Variants in BAIAP2 observed in about 807,000 individuals in gnomAD.
BAIAP2 encodes BAR/IMD domain-containing adapter protein 2.
A neutral mutation model predicts 63.0 loss-of-function variants in BAIAP2; 18 were observed. The ratio of observed to expected loss-of-function variants is 0.29; its 90% CI spans 0.20 to 0.42. The LOEUF (loss-of-function observed/expected upper bound fraction) is 0.42, where lower values mean the gene tolerates loss of function less well. BAIAP2 is among the 10% of genes least tolerant of loss of function. BAIAP2 has a pLI of 1.00. For missense variants in BAIAP2, 610 were observed against 734.3 expected (o/e 0.83, Z 1.96); for synonymous variants, 386 against 307.6 (o/e 1.25, Z -2.67).
At chr17:81,100,851 C>T (rs1048704561) in intron 7 of BAIAP2, among the ~76,000 whole-genome samples, 15 of 152,180 alleles carry the variant, frequency 9.9e-5, no homozygotes, top group African/African-American at 3.6e-4. Context: ...CCTCCCCTGG[C>T]TCCCAGGCTC....
intron 6 of BAIAP2, among the ~76,000 whole-genome samples, chr17:81,099,322 G>A (rs893872139): frequency 6.6e-6 from 1 of 152,164 alleles, no homozygotes; most frequent in Non-Finnish European, 1.5e-5. Flanking sequence ...AGCCGGAGCC[G>A]GGTGGGAGAG....
In BAIAP2 at chr17:81,041,171, G is replaced by C. The variant is rs1186418702; in HGVS notation, c.54+5863G>C. On this transcript the variant is annotated intron_variant, in intron 1 of 13. Coordinates refer to ENST00000428708, the MANE Select transcript of BAIAP2 (RefSeq NM_001144888.2). ...CTTTGGAAAATGCTGCCTGGTCCTTGGGCTTCCTGCCAGGCCTGCCGGGAG... is the reference window on the plus strand; with the variant it reads ...CTTTGGAAAATGCTGCCTGGTCCTTCGGCTTCCTGCCAGGCCTGCCGGGAG... Among the ~76,000 whole-genome samples the C allele has an allele frequency of 2.0e-5, 3 of 152,238 alleles. No homozygotes were observed. In the East Asian group the frequency reaches 5.8e-4, roughly 29 times the overall value.
At chr17:81,076,745 G>A (rs1408749583) in intron 3 of BAIAP2, among the ~76,000 whole-genome samples, 1 of 152,160 alleles carries the variant, frequency 6.6e-6, no homozygotes, top group Non-Finnish European at 1.5e-5. Flanking sequence ...CACTTTGGGA[G>A]TCCACTTGAT....
chr17:81,096,785 C>T (rs560761310), intron 6 of BAIAP2, among the ~76,000 whole-genome samples: 3 of 152,348 alleles, frequency 2.0e-5, no homozygotes, highest in South Asian at 4.1e-4. Flanking sequence ...CCCAGGGTAC[C>T]CCTGAATCTG....
At chr17:81,062,688 CTTTTT>C (rs36092037) in intron 3 of BAIAP2, among the ~76,000 whole-genome samples, 1 of 133,486 alleles carries the variant, frequency 7.5e-6, no homozygotes, top group Non-Finnish European at 1.6e-5. Context: ...TTTTTCTTTC[CTTTTT>C]TTTTTTTTTT....
At chr17:81,047,757 C>T (rs1206073364) in intron 1 of BAIAP2, among the ~76,000 whole-genome samples, 1 of 151,120 alleles carries the variant, frequency 6.6e-6, no homozygotes, top group Non-Finnish European at 1.5e-5. Context: ...AAACATGCAG[C>T]TCATGCCCAC....
At chr17:81,069,705 C>T (rs937754008) in intron 3 of BAIAP2, among the ~76,000 whole-genome samples, 18 of 152,198 alleles carry the variant, frequency 1.2e-4, no homozygotes, top group South Asian at 6.2e-4. Context: ...GACTCTCCCC[C>T]GCCAGGACTG....
intron 1 of BAIAP2, chr17:81,037,088 T>C (rs1290552758): frequency 1.2e-6 from 1 of 804,474 alleles, no homozygotes; most frequent in African/African-American, 1.7e-5. Context: ...CTAAGTGAAA[T>C]CTGCTGGCAG....
chr17:81,106,854 G>A lies in BAIAP2; in HGVS notation c.1447G>A (p.Ala483Thr), dbSNP rs746668540. Residue 483 changes from alanine to threonine, a missense_variant, in exon 12 of 14, where the codon GCC becomes ACC. Transcript: ENST00000428708. ...CTCCCGGGCCTTCCCCGCCCAGACG[G>A]CCAGCGGCTTCAAGCAGAGGCCCTA... ...AASRAFPAQT[A>T]SGFKQRPYSV... The A allele has an allele frequency of 6.2e-7, 1 of 1,607,446 alleles. No individual in the cohort carries two copies. Among genetic ancestry groups the A allele is most frequent in the South Asian group, 1.1e-5 (1 of 90,208 alleles).
intron 12 of BAIAP2, 196 bp downstream of exon 12, chr17:81,107,103 C>A: frequency 1.5e-6 from 1 of 647,266 alleles, no homozygotes; most frequent in Non-Finnish European, 2.5e-6. Flanking sequence ...CGCCTCGCCG[C>A]AGCAGGCTCC....
chr17:81,104,382 G>C (rs181073789), intron 9 of BAIAP2, 132 bp from the exon 10 acceptor site: 7 of 1,020,318 alleles, frequency 6.9e-6, no homozygotes, highest in Non-Finnish European at 1.0e-5. Context: ...CTGCTGCTGC[G>C]GAGAGCTTAG....
intron 1 of BAIAP2, among the ~76,000 whole-genome samples, chr17:81,037,850 G>A (rs756542708): frequency 1.3e-5 from 2 of 152,270 alleles, no homozygotes; most frequent in African/African-American, 2.4e-5. Context: ...TGGCCTTGGT[G>A]ATTAAAAATG....
rs775447003 is a variant in BAIAP2 at position 81,104,497 on chromosome 17, G to C, written c.1067-17G>C. 1 of 1,579,616 alleles carries C rather than the reference G, an allele frequency of 6.3e-7. No homozygotes were observed. Among genetic ancestry groups the C allele is most frequent in the Non-Finnish European group, 8.6e-7 (1 of 1,158,874 alleles). Reference sequence around the variant, plus strand: ...CCAGCCAGGGGCAGTCCCCTTACCTGTCCCTTGTCCCAGCAGCCGAGAACA... The same window carrying C: ...CCAGCCAGGGGCAGTCCCCTTACCTCTCCCTTGTCCCAGCAGCCGAGAACA... On this transcript the variant is annotated splice_polypyrimidine_tract_variant and intron_variant, in intron 9 of 13. Coordinates refer to ENST00000428708, the MANE Select transcript of BAIAP2 (RefSeq NM_001144888.2).
At chr17:81,088,947 A>G (rs1196029789) in intron 6 of BAIAP2, among the ~76,000 whole-genome samples, 1 of 152,218 alleles carries the variant, frequency 6.6e-6, no homozygotes, top group Non-Finnish European at 1.5e-5. Context: ...GCCCCCACGC[A>G]GTCACTGTGG....
Position 81,035,308 on chromosome 17 carries a change from G to A in BAIAP2, c.54G>A (p.Lys18=). ...ACCGGCTCACGGAAAATGTCTATAA[G>A]GTGAGCGCCCCCCGGCGCCGAGCTG... is the stretch of plus-strand genomic sequence containing the variant. ...EMHRLTENVY[K]TIMEQFNPSL... Residue 18 remains lysine (K), a splice_region_variant and synonymous_variant, in exon 1 of 14, where the codon AAG becomes AAA. Coordinates refer to ENST00000428708, the MANE Select transcript of BAIAP2 (RefSeq NM_001144888.2). 2 of 1,465,816 alleles carry A rather than the reference G, an allele frequency of 1.4e-6. No homozygotes were observed. Among genetic ancestry groups the A allele is most frequent in the Non-Finnish European group, 1.8e-6 (2 of 1,099,158 alleles). The allele number at this position is 1,465,816 out of a possible 1,614,324, so 90.8% of individuals were successfully genotyped here. A position where few individuals can be genotyped will look rare whatever the true frequency, so the allele number is the denominator to read the frequency against.
intron 1 of BAIAP2, among the ~76,000 whole-genome samples, chr17:81,041,945 T>C (rs151083948): frequency 6.6e-6 from 1 of 152,218 alleles, no homozygotes; most frequent in African/African-American, 2.4e-5. Flanking sequence ...TCTTAAAACT[T>C]ATTTTTCATG....
At position 81,053,558 on chromosome 17, in the gene BAIAP2, G is replaced by A. The variant is rs572613592; in HGVS notation, c.55-110G>A. 2.9e-5 allele frequency: 33 copies of A among 1,140,682 alleles called. No homozygotes were observed. In the Middle Eastern group the frequency reaches 8.2e-4, roughly 28 times the overall value. 70.7% of individuals were successfully genotyped at this position (1,140,682 alleles called of 1,614,324 possible). ...GCCCACCTTGAGCATTTGTGGTGTCGACCCCCAGGAGGGGTGCCTGCTCTG... is the reference window on the plus strand; with the variant it reads ...GCCCACCTTGAGCATTTGTGGTGTCAACCCCCAGGAGGGGTGCCTGCTCTG... On this transcript the variant is annotated intron_variant, in intron 1 of 13. Coordinates refer to ENST00000428708, the MANE Select transcript of BAIAP2 (RefSeq NM_001144888.2).
rs531587032 is a variant in BAIAP2 at position 81,075,315 on chromosome 17, C to T, written c.218-9517C>T. Among the ~76,000 whole-genome samples the T allele has an allele frequency of 8.5e-5, 13 of 152,366 alleles. No homozygotes were observed. In the East Asian group the frequency reaches 2.5e-3, roughly 29 times the overall value. On this transcript the variant is annotated intron_variant, in intron 3 of 13. Coordinates refer to ENST00000428708, the MANE Select transcript of BAIAP2 (RefSeq NM_001144888.2). The stretch of plus-strand genomic sequence containing the variant: ...CTCACCTCCCTCCCCATCCCTTCCC[C>T]TGTGCTTCTGGTCTCCCCAGCCCTC...
intron 3 of BAIAP2, among the ~76,000 whole-genome samples, chr17:81,060,247 C>T (rs1008824160): frequency 2.6e-5 from 4 of 152,214 alleles, no homozygotes; most frequent in East Asian, 1.9e-4. Context: ...AGTGTATTTA[C>T]AGTGTGCAAC....
Sources: allele counts gnomAD v4.1 joint callset (sites outside exome capture counted in the v4.1 genomes callset), GRCh38; gene constraint gnomAD v4.1.1; transcripts MANE v1.5; gene names NCBI Gene and HGNC (gene_info 2026-07-23, HGNC 2026-07-21).